The following VPS13B variants were observed in gnomAD, a reference collection of about 807,000 sequenced individuals.
VPS13B encodes intermembrane lipid transfer protein VPS13B.
VPS13B carries 285 observed loss-of-function variants against 426.4 expected under a neutral mutation model. That is an observed-to-expected ratio of 0.67 (90% CI 0.61 to 0.74). The LOEUF (loss-of-function observed/expected upper bound fraction) is 0.74, where lower values mean the gene tolerates loss of function less well. Ranked by LOEUF, VPS13B falls within the 30% of genes least tolerant of loss-of-function variation. VPS13B has a pLI of 0.00. For synonymous variants in VPS13B, 1,676 were observed against 1,676.4 expected (o/e 1.00, Z 0.01); for missense variants, 4,537 against 4,782.6 (o/e 0.95, Z 1.51).
chr8:99,430,777 G>A (rs758567924), intron 21 of VPS13B, among the ~76,000 whole-genome samples: 8 of 151,038 alleles, frequency 5.3e-5, no homozygotes, highest in Middle Eastern at 3.4e-3. Context: ...GTGCAGTGGC[G>A]CAATCTCAGC....
chr8:99,103,334 G>C (rs1049227395), intron 5 of VPS13B, among the ~76,000 whole-genome samples: 10 of 151,884 alleles, frequency 6.6e-5, no homozygotes, highest in Middle Eastern at 3.2e-3. Flanking sequence ...TGTGGTTTTT[G>C]TTTGTTTGTT....
intron 34 of VPS13B, among the ~76,000 whole-genome samples, chr8:99,644,508 G>A (rs374977278): frequency 1.3e-5 from 2 of 152,214 alleles, no homozygotes; most frequent in East Asian, 1.9e-4. Context: ...GTAAACTGAC[G>A]TGGAACCCAA....
rs755937467 is a variant in VPS13B, at chr8:99,121,425, A to G, written c.1186A>G (p.Lys396Glu). The change falls in exon 8 of 62, where the codon AAG (lysine) becomes GAG (glutamate). Residue 396 changes from lysine to glutamate, a missense_variant. Coordinates refer to ENST00000357162, the MANE Select transcript of VPS13B (RefSeq NM_152564.5). ...PIVSIGFYCT[K>E]ATVTFKLTEM... ...TGTTTCTATAGGATTTTATTGCACA[A>G]AGGCAACGGTGACTTTCAAAGTAGG... The G allele has an allele frequency of 3.2e-5, 52 of 1,614,084 alleles. No individual in the cohort carries two copies. The African/African-American group carries it at 5.3e-4, about 17-fold the overall frequency.
At position 99,348,639 on chromosome 8, in the gene VPS13B, G is replaced by A. The variant is rs565647242; in HGVS notation, c.2825-35569G>A. 7.2e-5 allele frequency among the ~76,000 whole-genome samples: 11 copies of A among 152,184 alleles called. No homozygotes were observed. The South Asian group carries it at 2.3e-3, about 32-fold the overall frequency. ...TGTTGACATTAACATTTTAAAGTTT[G>A]CTTTAAATGATATAAAATTGGTCAT... On this transcript the variant is annotated intron_variant, in intron 19 of 61. Coordinates refer to ENST00000357162, the MANE Select transcript of VPS13B (RefSeq NM_152564.5).
intron 1 of VPS13B, 96 bp from the exon 2 acceptor site, chr8:99,013,664 G>A: frequency 8.3e-7 from 1 of 1,200,092 alleles, no homozygotes; most frequent in Non-Finnish European, 1.2e-6. Context: ...GCGAACGGCC[G>A]CTTTGGTGGG....
At chr8:99,501,582 G>A (rs1263650356) in intron 25 of VPS13B, 105 bp from the exon 26 acceptor site, 3 of 1,158,128 alleles carry the variant, frequency 2.6e-6, no homozygotes, top group Non-Finnish European at 3.7e-6. Context: ...CATGTAAGAT[G>A]TGAAAAAGTT....
At chr8:99,197,492 G>A (rs1044901360) in intron 17 of VPS13B, among the ~76,000 whole-genome samples, 5 of 152,050 alleles carry the variant, frequency 3.3e-5, no homozygotes, top group Admixed American at 2.0e-4. Context: ...TGGTCTACTC[G>A]TATTTTCCAT....
intron 25 of VPS13B, among the ~76,000 whole-genome samples, chr8:99,486,729 T>G (rs563679093): frequency 2.6e-4 from 40 of 152,312 alleles, no homozygotes; most frequent in African/African-American, 9.4e-4. Context: ...TAAACACCAT[T>G]GCTCAACCCC....
chr8:99,116,738 A>G (rs1229157801), intron 7 of VPS13B, among the ~76,000 whole-genome samples: 2 of 152,184 alleles, frequency 1.3e-5, no homozygotes, highest in Admixed American at 6.5e-5. Context: ...CTGACCCAGG[A>G]TATACATTTG....
At chr8:99,224,993 G>A (rs529663284) in intron 17 of VPS13B, among the ~76,000 whole-genome samples, 1 of 152,216 alleles carries the variant, frequency 6.6e-6, no homozygotes, top group African/African-American at 2.4e-5. Context: ...TGCTGAGTCC[G>A]GTGTATATTT....
intron 12 of VPS13B, among the ~76,000 whole-genome samples, chr8:99,141,274 A>G (rs896205740): frequency 6.6e-6 from 1 of 152,230 alleles, no homozygotes; most frequent in South Asian, 2.1e-4. Context: ...AAGCCATGGT[A>G]TCTAAATTTA....
intron 2 of VPS13B, among the ~76,000 whole-genome samples, chr8:99,034,816 G>A (rs1842671681): frequency 6.6e-6 from 1 of 152,076 alleles, no homozygotes; most frequent in Non-Finnish European, 1.5e-5. Flanking sequence ...AGGATTTGCC[G>A]AGCTCCTCAT....
chr8:99,226,189 C>A (rs779104119), intron 17 of VPS13B, among the ~76,000 whole-genome samples: 68 of 152,160 alleles, frequency 4.5e-4, no homozygotes, highest in Non-Finnish European at 4.3e-4. Flanking sequence ...ACATTTCTAG[C>A]CAAAACATAG....
chr8:99,395,303 A>G (rs1316630617), intron 21 of VPS13B, among the ~76,000 whole-genome samples: 1 of 152,244 alleles, frequency 6.6e-6, no homozygotes, highest in Non-Finnish European at 1.5e-5. Flanking sequence ...AGAGTTCTTG[A>G]GAGTTTGCTG....
chr8:99,477,980 G>A (rs1477361654), intron 24 of VPS13B, among the ~76,000 whole-genome samples: 1 of 151,900 alleles, frequency 6.6e-6, no homozygotes, highest in Admixed American at 6.6e-5. Flanking sequence ...AAAGTTAAAT[G>A]AGCCTGTCCT....
chr8:99,524,354 A>G (rs557324809), intron 30 of VPS13B, among the ~76,000 whole-genome samples: 12 of 152,338 alleles, frequency 7.9e-5, no homozygotes, highest in Admixed American at 7.8e-4. Flanking sequence ...TTAAACCTAG[A>G]GAAAGATATC....
intron 32 of VPS13B, among the ~76,000 whole-genome samples, chr8:99,576,168 G>A (rs1334843643): frequency 6.6e-6 from 1 of 152,002 alleles, no homozygotes; most frequent in Non-Finnish European, 1.5e-5. Flanking sequence ...ATAATTATAA[G>A]AGGAATCTGA....
At chr8:99,505,842 A>G (rs971875600) in intron 27 of VPS13B, among the ~76,000 whole-genome samples, 1 of 152,170 alleles carries the variant, frequency 6.6e-6, no homozygotes, top group African/African-American at 2.4e-5. Context: ...AAACCGAGGT[A>G]TGCCTGTACT....
At chr8:99,701,568 T>G (rs753248928) in intron 36 of VPS13B, among the ~76,000 whole-genome samples, 1 of 152,156 alleles carries the variant, frequency 6.6e-6, no homozygotes, top group African/African-American at 2.4e-5. Context: ...TTTTTCCCCC[T>G]GTATGTAAGA....
Sources: gnomAD v4.1 joint callset for allele counts (sites outside exome capture counted in the v4.1 genomes callset) on GRCh38, gnomAD v4.1.1 for gene constraint, MANE v1.5 for transcripts, NCBI Gene and HGNC (gene_info 2026-07-23, HGNC 2026-07-21) for gene names.